The following GNPTAB variants were observed in gnomAD, a reference collection of about 807,000 sequenced individuals.
GNPTAB encodes the protein N-acetylglucosamine-1-phosphate transferase subunits alpha and beta, also known as N-acetylglucosamine-1-phosphotransferase subunits alpha/beta.
A neutral mutation model predicts 136.6 loss-of-function variants in GNPTAB; 92 were observed. The ratio of observed to expected loss-of-function variants is 0.67; its 90% confidence interval spans 0.57 to 0.80. The LOEUF is 0.80. GNPTAB is among the 30% of genes least tolerant of loss of function. The pLI is 0.00. For synonymous variants in GNPTAB, 512 were observed against 535.1 expected, an observed-to-expected ratio of 0.96 and a Z score of 0.60; for missense variants, 1,343 against 1,501.8, an observed-to-expected ratio of 0.89 and a Z score of 1.75.
intron 10 of GNPTAB, among the ~76,000 whole-genome samples, chr12:101,769,446 T>C (rs1467492688): frequency 1.3e-5 from 2 of 152,220 alleles, no homozygotes; most frequent in Non-Finnish European, 2.9e-5. Context: ...GCTATCGTAG[T>C]AGAAAATTGA....
Position 101,761,126 on chromosome 12 carries a change from C to T in GNPTAB, c.3135+1G>A, listed in dbSNP as rs1952985033. 2.5e-6 allele frequency: 4 copies of T among 1,605,766 alleles called. No homozygotes were observed. ...AAGTTTAGAATAAGACAATACAACA[C>T]CTGCAAACTTAACGGCAGTTCGTGA... On this transcript the variant is annotated splice_donor_variant, in intron 15 of 20. Coordinates refer to ENST00000299314, the MANE Select transcript of GNPTAB (RefSeq NM_024312.5). LOFTEE classifies it high-confidence loss of function.
chr12:101,763,514 G>C (rs1953033468), intron 13 of GNPTAB, among the ~76,000 whole-genome samples: 1 of 151,918 alleles, frequency 6.6e-6, no homozygotes, highest in African/African-American at 2.4e-5. Flanking sequence ...ACTTCCTTCT[G>C]TATGCCTTCC....
intron 11 of GNPTAB, 108 bp downstream of exon 11, chr12:101,767,929 T>C (rs778892173): frequency 2.5e-6 from 3 of 1,221,954 alleles, no homozygotes; most frequent in Non-Finnish European, 2.4e-6. Flanking sequence ...ACTGATTCTT[T>C]ATTAATACAT....
At chr12:101,788,385 A>G (rs1477071054) in intron 4 of GNPTAB, among the ~76,000 whole-genome samples, 163 bp downstream of exon 4, 2 of 152,216 alleles carry the variant, frequency 1.3e-5, no homozygotes, top group African/African-American at 4.8e-5. Flanking sequence ...CTATGCACTC[A>G]GCACTGCAAA....
intron 5 of GNPTAB, among the ~76,000 whole-genome samples, chr12:101,784,966 G>T (rs1278553435): frequency 4.6e-5 from 7 of 152,232 alleles, no homozygotes; most frequent in African/African-American, 1.7e-4. Context: ...CACTGGTCAA[G>T]TGGGAGAATG....
At chr12:101,763,719 G>A (rs1317572769) in intron 13 of GNPTAB, among the ~76,000 whole-genome samples, 2 of 152,192 alleles carry the variant, frequency 1.3e-5, no homozygotes, top group African/African-American at 4.8e-5. Flanking sequence ...AGAGCACTGA[G>A]GAGAGGTACA....
chr12:101,770,513 T>C lies in GNPTAB; in HGVS notation c.1006A>G (p.Ile336Val), dbSNP rs1404274526. 2.5e-6 allele frequency: 4 copies of C among 1,613,180 alleles called. No homozygotes were observed. The highest frequency in any genetic ancestry group is 4.5e-5 in the East Asian group (2 of 44,872). The change falls in exon 9 of 21, where the codon ATC becomes GTC. Residue 336 changes from isoleucine (I) to valine (V), a missense_variant. Coordinates refer to ENST00000299314, the MANE Select transcript of GNPTAB (RefSeq NM_024312.5). ...CGAACCCATGGTGCATGCCTCTCGA[T>C]AGATCGCAATGAGTACCTCAGTTCT... is the stretch of plus-strand genomic sequence containing the variant. ...NEELRYSLRS[I>V]ERHAPWVRNI... is the part of the protein sequence containing the mutation.
At chr12:101,761,860 C>T (rs1175962188) in intron 13 of GNPTAB, 97 bp from the exon 14 acceptor site, 64 of 912,384 alleles carry the variant, frequency 7.0e-5, no homozygotes, top group Non-Finnish European at 5.4e-5. Context: ...TAACTAGTCA[C>T]GAACTCTTCA....
intron 1 of GNPTAB, among the ~76,000 whole-genome samples, chr12:101,800,445 G>T (rs931762834): frequency 5.9e-5 from 9 of 151,762 alleles, no homozygotes; most frequent in Non-Finnish European, 1.5e-5. Flanking sequence ...GAGATCTTTT[G>T]GGTCCGCAAA....
intron 2 of GNPTAB, 81 bp downstream of exon 2, chr12:101,796,596 A>G: frequency 2.2e-6 from 2 of 922,038 alleles, no homozygotes; most frequent in Non-Finnish European, 3.6e-6. Flanking sequence ...AAGACCCCTT[A>G]AACTGTCATA....
chr12:101,799,786 G>A (rs1030451515), intron 1 of GNPTAB, among the ~76,000 whole-genome samples: 1 of 146,374 alleles, frequency 6.8e-6, no homozygotes, highest in Non-Finnish European at 1.5e-5. Context: ...AGAACCCCAT[G>A]AGTTCAACAC....
At chr12:101,759,106 G>A (rs572466441) in intron 16 of GNPTAB, among the ~76,000 whole-genome samples, 2 of 152,234 alleles carry the variant, frequency 1.3e-5, no homozygotes, top group South Asian at 2.1e-4. Flanking sequence ...GCTCACGCCT[G>A]TAATCCCGGC....
At chr12:101,756,281 G>C (rs1208082135) in intron 18 of GNPTAB, 3 of 157,150 alleles carry the variant, frequency 1.9e-5, no homozygotes, top group Non-Finnish European at 2.8e-5. Flanking sequence ...ACGAGAACAG[G>C]GTTTATAGAA....
chr12:101,766,074 T>C lies in GNPTAB; in HGVS notation c.1612+17A>G. The C allele has an allele frequency of 6.2e-7, 1 of 1,608,300 alleles. No individual in the cohort carries two copies. Among genetic ancestry groups the C allele is most frequent in the South Asian group, 1.1e-5 (1 of 90,910 alleles). ...TGTTTTATGCTCCCATTCTTATTTGTTTGGCAGTAAACATACCTTGCCCAC... is the reference window on the plus strand; with the variant it reads ...TGTTTTATGCTCCCATTCTTATTTGCTTGGCAGTAAACATACCTTGCCCAC... On this transcript the variant is annotated intron_variant, in intron 12 of 20. Transcript: ENST00000299314.
intron 2 of GNPTAB, 89 bp downstream of exon 2, chr12:101,796,588 G>A (rs1594242707): frequency 3.5e-6 from 3 of 850,850 alleles, no homozygotes; most frequent in East Asian, 2.4e-5. Flanking sequence ...AACTCAGAAA[G>A]ACCCCTTAAA....
intron 15 of GNPTAB, among the ~76,000 whole-genome samples, chr12:101,760,781 CT>C (rs879535763): frequency 1.3e-3 from 179 of 137,178 alleles, no homozygotes; most frequent in South Asian, 1.6e-3. Context: ...ATTTTCTTTT[CT>C]TTTTTTTTTT....
intron 1 of GNPTAB, among the ~76,000 whole-genome samples, chr12:101,802,928 C>A (rs994197134): frequency 2.0e-5 from 3 of 152,098 alleles, no homozygotes; most frequent in Non-Finnish European, 4.4e-5. Flanking sequence ...GACTCCCGGA[C>A]ATAACACCAT....
chr12:101,780,333 G>T, intron 6 of GNPTAB, 47 bp from the exon 7 acceptor site: 1 of 1,599,232 alleles, frequency 6.3e-7, no homozygotes, highest in Non-Finnish European at 8.6e-7. Flanking sequence ...TCATGAGGCT[G>T]GTGAAAACCT....
At chr12:101,776,721 A>C (rs924009439) in intron 7 of GNPTAB, among the ~76,000 whole-genome samples, 15 of 152,250 alleles carry the variant, frequency 9.9e-5, no homozygotes, top group African/African-American at 3.6e-4. Flanking sequence ...ATATTGCCTC[A>C]TATGGCTCAT....
Sources: allele counts gnomAD v4.1 joint callset (sites outside exome capture counted in the v4.1 genomes callset), GRCh38; gene constraint gnomAD v4.1.1; transcripts MANE v1.5; gene names NCBI Gene and HGNC (gene_info 2026-07-23, HGNC 2026-07-21).